ACER1: variants seen among roughly 807,000 people sequenced by gnomAD.
ACER1 encodes CTB-180A7.3.
ACER1 carries 28 observed loss-of-function variants against 24.9 expected under a neutral mutation model. The ratio of observed to expected loss-of-function variants is 1.13; its 90% CI spans 0.83 to 1.54. The LOEUF is 1.54. ACER1 is among the 40% of genes most tolerant of loss of function. ACER1 has a pLI of 0.00. For synonymous variants in ACER1, 132 were observed against 131.4 expected, an observed-to-expected ratio of 1.00 and a Z score of -0.03; for missense variants, 352 against 349.3, an observed-to-expected ratio of 1.01 and a Z score of -0.06.
At chr19:6,344,657 A>C in the ACER1 span, among the ~76,000 whole-genome samples, 18 of 151,656 alleles carry the variant, frequency 1.2e-4, no homozygotes, top group African/African-American at 4.4e-4. Context: ...CAGCCTCCTA[A>C]AGTGCTGGGA....
At chr19:6,325,948 GTTGTTT>G (rs1202239806) in intron 1 of ACER1, among the ~76,000 whole-genome samples, 1 of 151,732 alleles carries the variant, frequency 6.6e-6, no homozygotes, top group East Asian at 1.9e-4. Context: ...GTTTTTCATT[GTTGTTT>G]TTGTTTTTGT....
the ACER1 span, among the ~76,000 whole-genome samples, chr19:6,353,695 C>T: frequency 4.6e-5 from 7 of 151,572 alleles, no homozygotes; most frequent in East Asian, 3.9e-4. Context: ...CGTGGTGGCA[C>T]GTGCATGTAA....
At chr19:6,327,189 T>C (rs907057080) in intron 1 of ACER1, among the ~76,000 whole-genome samples, 1 of 152,142 alleles carries the variant, frequency 6.6e-6, no homozygotes, top group Non-Finnish European at 1.5e-5. Context: ...CCAGCACTTT[T>C]AGAGATTGAG....
chr19:6,350,138 A>G, the ACER1 span, among the ~76,000 whole-genome samples: 1 of 151,796 alleles, frequency 6.6e-6, no homozygotes, highest in Non-Finnish European at 1.5e-5. Flanking sequence ...CCTGTGTCAA[A>G]AGAAAAAGGA....
At chr19:6,325,679 T>C (rs2091657685) in intron 1 of ACER1, among the ~76,000 whole-genome samples, 1 of 151,908 alleles carries the variant, frequency 6.6e-6, no homozygotes, top group Non-Finnish European at 1.5e-5. Flanking sequence ...CAAAGACCTT[T>C]ACATATGCTA....
At chr19:6,329,129 T>C (rs1362100722) in intron 1 of ACER1, among the ~76,000 whole-genome samples, 2 of 151,720 alleles carry the variant, frequency 1.3e-5, no homozygotes, top group African/African-American at 4.8e-5. Flanking sequence ...GGCTGGGCAA[T>C]AGAGTGAGAC....
intron 1 of ACER1, among the ~76,000 whole-genome samples, chr19:6,329,811 T>TC (rs1443445069): frequency 6.6e-6 from 1 of 151,968 alleles, no homozygotes; most frequent in Admixed American, 6.6e-5. Flanking sequence ...ACTCAAGCAA[T>TC]CCTCCTGCCT....
chr19:6,322,012 C>T (rs1161476179), intron 1 of ACER1, among the ~76,000 whole-genome samples: 1 of 152,090 alleles, frequency 6.6e-6, no homozygotes, highest in Non-Finnish European at 1.5e-5. Flanking sequence ...AAATTGTTGT[C>T]CCAACAACTC....
chr19:6,358,933 C>CAAAAAAAAAAAAAAAAAA, the ACER1 span, among the ~76,000 whole-genome samples: 5 of 75,394 alleles, frequency 6.6e-5, no homozygotes, highest in African/African-American at 1.8e-4. Flanking sequence ...AACTCTGTCT[C>CAAAAAAAAAAAAAAAAAA]AAAAAAAAAA....
At chr19:6,317,167 T>C (rs1191608611) in intron 1 of ACER1, among the ~76,000 whole-genome samples, 2 of 151,894 alleles carry the variant, frequency 1.3e-5, no homozygotes, top group Admixed American at 6.6e-5. Context: ...AGAGACGGGG[T>C]TTCACCATGT....
chr19:6,335,802 G>T (rs1420952112), upstream of ACER1, among the ~76,000 whole-genome samples: 1 of 151,554 alleles, frequency 6.6e-6, no homozygotes, highest in African/African-American at 2.4e-5. Flanking sequence ...CTGCACTCCA[G>T]CCTGGGTGAC....
At chr19:6,351,162 C>T in the ACER1 span, among the ~76,000 whole-genome samples, 31 of 150,052 alleles carry the variant, frequency 2.1e-4, no homozygotes, top group Admixed American at 2.7e-4. Flanking sequence ...GTCAAGAGAT[C>T]GAGACCATCC....
At chr19:6,319,589 A>G (rs896198422) in intron 1 of ACER1, among the ~76,000 whole-genome samples, 2 of 151,936 alleles carry the variant, frequency 1.3e-5, no homozygotes, top group African/African-American at 4.8e-5. Context: ...CCAGTGTCTG[A>G]AAACAAAGTC....
chr19:6,346,800 A>G, the ACER1 span, among the ~76,000 whole-genome samples: 8 of 151,842 alleles, frequency 5.3e-5, no homozygotes, highest in Admixed American at 4.6e-4. Flanking sequence ...CTCAGAACTC[A>G]GATGTATTTT....
At chr19:6,338,502 G>T (rs1243645421), upstream of ACER1, among the ~76,000 whole-genome samples, 5 of 152,186 alleles carry the variant, frequency 3.3e-5, no homozygotes, top group Non-Finnish European at 7.3e-5. Flanking sequence ...AGTTATAAAA[G>T]AGGTACCACT....
intron 3 of ACER1, among the ~76,000 whole-genome samples, chr19:6,311,619 AAGG>A (rs927026471): frequency 9.6e-5 from 14 of 145,610 alleles, no homozygotes; most frequent in Non-Finnish European, 1.4e-4. Context: ...GGAGAAGGAG[AAGG>A]AGGAGGAGGA....
At chr19:6,328,179 G>A (rs2091670414) in intron 1 of ACER1, among the ~76,000 whole-genome samples, 1 of 151,864 alleles carries the variant, frequency 6.6e-6, no homozygotes, top group South Asian at 2.1e-4. Context: ...TTGAGACAGA[G>A]TCTGGATGGC....
chr19:6,332,869 A>G (rs1276681622), intron 1 of ACER1, among the ~76,000 whole-genome samples: 10 of 151,998 alleles, frequency 6.6e-5, no homozygotes, highest in Non-Finnish European at 1.2e-4. Context: ...GGCTTTCACC[A>G]CGTTGCCCAG....
chr19:6,340,290 AAG>A, the ACER1 span, among the ~76,000 whole-genome samples: 1 of 130,676 alleles, frequency 7.7e-6, no homozygotes, highest in Non-Finnish European at 1.6e-5. Context: ...CAAAAAAAGA[AAG>A]AAGGAAGGAA....
Sources: allele counts gnomAD v4.1 joint callset (sites outside exome capture counted in the v4.1 genomes callset), GRCh38; gene constraint gnomAD v4.1.1; transcripts MANE v1.5; gene names NCBI Gene and HGNC (gene_info 2026-07-23, HGNC 2026-07-21).